Variants in PCDHGA1 observed in about 807,000 individuals in gnomAD.
PCDHGA1 encodes the protein protocadherin gamma-A1.
Under a neutral mutation model 58.0 loss-of-function variants are expected in PCDHGA1, and 32 were observed. The ratio of observed to expected loss-of-function variants is 0.55; its 90% CI spans 0.42 to 0.74. The LOEUF is 0.74. Ranked by LOEUF, PCDHGA1 falls within the 30% of genes least tolerant of loss-of-function variation. The pLI is 0.00. For synonymous variants in PCDHGA1, 498 were observed against 501.1 expected (o/e 0.99, Z 0.08); for missense variants, 1,205 against 1,182.3 (o/e 1.02, Z -0.28).
At chr5:141,424,698 T>G (rs1214214315) in intron 1 of PCDHGA1, 1 of 152,228 alleles carries the variant, frequency 6.6e-6, no homozygotes, top group Non-Finnish European at 1.5e-5. Context: ...GCTATTTTTT[T>G]GTTCATTTTC....
In PCDHGA1 at chr5:141,511,460, A is replaced by ACCC. The variant is rs1367357803; in HGVS notation, c.*289_*291dup. The ACCC allele has an allele frequency of 2.4e-4, 137 of 564,806 alleles. 1 individual carries two copies. In the Middle Eastern group the frequency reaches 2.7e-3, roughly 11 times the overall value. The allele number at this position is 564,806 out of a possible 1,614,324, so 35.0% of individuals were successfully genotyped here. A position where few individuals can be genotyped will look rare whatever the true frequency, so the allele number is the denominator to read the frequency against. ...GTAGACACCAAGAACCATTTGCCAC[A>ACCC]CCCCGTTTAGTTACAGCTGAACTCC... On this transcript the variant is annotated 3_prime_UTR_variant, in exon 4 of 4. Transcript: ENST00000517417.
chr5:141,435,396 G>A (rs562717014), intron 1 of PCDHGA1, among the ~76,000 whole-genome samples: 46 of 152,096 alleles, frequency 3.0e-4, no homozygotes, highest in African/African-American at 9.4e-4. Context: ...TTGCCATGAC[G>A]AAAAATGGTA....
chr5:141,421,515 C>A, intron 1 of PCDHGA1: 3 of 1,614,080 alleles, frequency 1.9e-6, no homozygotes, highest in Non-Finnish European at 2.5e-6. Context: ...GGGAGGAGCT[C>A]TGTGAGACGG....
rs1055242827 is a variant in PCDHGA1 at position 141,371,130 on chromosome 5, A to C, written c.2421+38025A>C. 6.8e-6 allele frequency: 11 copies of C among 1,613,896 alleles called. No homozygotes were observed. The South Asian group carries it at 1.2e-4, about 18-fold the overall frequency. Reference sequence around the variant, plus strand: ...TAACCCCCCAGTATTTACTCAGGACATGTACAGGGTCAATGTTGCAGAGAA... The same window carrying C: ...TAACCCCCCAGTATTTACTCAGGACCTGTACAGGGTCAATGTTGCAGAGAA... On this transcript the variant is annotated intron_variant, in intron 1 of 3. Transcript: ENST00000517417.
At chr5:141,441,173 C>G (rs2098230611) in intron 1 of PCDHGA1, 1 of 152,180 alleles carries the variant, frequency 6.6e-6, no homozygotes, top group South Asian at 2.1e-4. Context: ...ATTTTTACTT[C>G]TAATTCCACA....
At chr5:141,357,533 C>G in intron 1 of PCDHGA1, 1 of 1,614,194 alleles carries the variant, frequency 6.2e-7, no homozygotes, top group Non-Finnish European at 8.5e-7. Context: ...TATGCAGACA[C>G]GCTCATCAGC....
intron 1 of PCDHGA1, chr5:141,355,716 C>T (rs886273708): frequency 6.2e-6 from 10 of 1,613,994 alleles, no homozygotes; most frequent in Non-Finnish European, 8.5e-6. Flanking sequence ...GTTACCAGCT[C>T]AACTCAAACG....
chr5:141,360,997 G>A (rs766404886), intron 1 of PCDHGA1: 2 of 1,613,426 alleles, frequency 1.2e-6, no homozygotes, highest in Non-Finnish European at 1.7e-6. Context: ...GGACGAACAA[G>A]TGAAACACTT....
chr5:141,394,487 C>T (rs371014360), intron 1 of PCDHGA1: 11 of 1,614,248 alleles, frequency 6.8e-6, no homozygotes, highest in African/African-American at 5.3e-5. Context: ...AGAATGACAA[C>T]GCGCCCGAGA....
At chr5:141,430,084 A>G (rs538721051) in intron 1 of PCDHGA1, among the ~76,000 whole-genome samples, 2 of 152,292 alleles carry the variant, frequency 1.3e-5, no homozygotes, top group Admixed American at 1.3e-4. Context: ...AATATCATGA[A>G]AATTTGATTT....
rs138641753 is a variant in PCDHGA1, at chr5:141,430,814, C to T, written c.2422-63993C>T. On this transcript the variant is annotated intron_variant, in intron 1 of 3. Transcript: ENST00000517417. ...CAAAGGGCTTGTCCTGCTGGGAATC[C>T]TCCTGGGGACTCTGTGGGAGACCGG... is the stretch of plus-strand genomic sequence containing the variant. 97 of 1,534,514 alleles carry T rather than the reference C, an allele frequency of 6.3e-5. No homozygotes were observed. The African/African-American group carries it at 1.1e-3, about 17-fold the overall frequency.
At chr5:141,378,196 A>T (rs1197830416) in intron 1 of PCDHGA1, 1 of 152,188 alleles carries the variant, frequency 6.6e-6, no homozygotes, top group Non-Finnish European at 1.5e-5. Flanking sequence ...TGCCTACTAC[A>T]GTGTCTTTTG....
chr5:141,382,988 G>T (rs958046112), intron 1 of PCDHGA1: 2 of 1,613,090 alleles, frequency 1.2e-6, no homozygotes, highest in African/African-American at 2.7e-5. Context: ...TGGGCAGGAC[G>T]TATTCTCTAC....
intron 1 of PCDHGA1, chr5:141,420,334 T>C: frequency 7.1e-7 from 1 of 1,402,910 alleles, no homozygotes; most frequent in Non-Finnish European, 9.5e-7. Flanking sequence ...TATATTCCAA[T>C]ATAGTGGTAT....
intron 2 of PCDHGA1, among the ~76,000 whole-genome samples, chr5:141,502,478 A>G (rs2099814452): frequency 6.6e-6 from 1 of 150,896 alleles, no homozygotes; most frequent in Non-Finnish European, 1.5e-5. Flanking sequence ...CCGCAGCATC[A>G]CACTGGGACT....
chr5:141,366,383 G>A, intron 1 of PCDHGA1: 1 of 1,614,130 alleles, frequency 6.2e-7, no homozygotes, highest in Non-Finnish European at 8.5e-7. Flanking sequence ...CATTGACCCT[G>A]AGGATCTGGA....
intron 1 of PCDHGA1, among the ~76,000 whole-genome samples, chr5:141,450,561 A>G (rs1381887193): frequency 6.6e-6 from 1 of 151,856 alleles, no homozygotes; most frequent in Admixed American, 6.6e-5. Flanking sequence ...GTCTCGGCTC[A>G]CTGCAACTTC....
In PCDHGA1 at chr5:141,352,265, C is replaced by T. The variant is rs760271009; in HGVS notation, c.2421+19160C>T. ...CGCGGATAGCCTGCAAGAGGTATTGCCAGACCTCAGCGACCGCCCTGAGCC... is the reference window on the plus strand; with the variant it reads ...CGCGGATAGCCTGCAAGAGGTATTGTCAGACCTCAGCGACCGCCCTGAGCC... On this transcript the variant is annotated intron_variant, in intron 1 of 3. Transcript: ENST00000517417. 3.2e-5 allele frequency: 52 copies of T among 1,613,966 alleles called. 1 individual carries two copies. Among genetic ancestry groups the T allele is most frequent in the Non-Finnish European group, 3.7e-5 (44 of 1,179,914 alleles).
intron 1 of PCDHGA1, chr5:141,383,106 A>T (rs760790560): frequency 6.2e-7 from 1 of 1,613,828 alleles, no homozygotes; most frequent in Non-Finnish European, 8.5e-7. Context: ...TCATCTCCAG[A>T]GGTAGGACGC....
Sources: gnomAD v4.1 joint callset for allele counts (sites outside exome capture counted in the v4.1 genomes callset) on GRCh38, gnomAD v4.1.1 for gene constraint, MANE v1.5 for transcripts, NCBI Gene and HGNC (gene_info 2026-07-23, HGNC 2026-07-21) for gene names.